The following ACP6 variants were observed in gnomAD, a reference collection of about 807,000 sequenced individuals.
The protein encoded by ACP6 is acid phosphatase 6, lysophosphatidic, also known as lysophosphatidic acid phosphatase type 6.
A neutral mutation model predicts 48.1 loss-of-function variants in ACP6; 48 were observed. The observed-to-expected ratio is 1.00, with a 90% CI of 0.79 to 1.27. ACP6 has a LOEUF of 1.27. Ranked by LOEUF, ACP6 falls within the 50% of genes most tolerant of loss-of-function variation. The probability of loss-of-function intolerance (pLI) is 0.00; values close to 1 mark genes in which losing one functional copy is unlikely to be tolerated. For missense variants in ACP6, 485 were observed against 529.1 expected (o/e 0.92, Z 0.82); for synonymous variants, 172 against 204.2 (o/e 0.84, Z 1.34).
chr1:147,669,811 G>C lies in ACP6; in HGVS notation c.219+19C>G. ...CACGGTCCTCGCCCCACCAGCCCCA[G>C]CCCGGGCCGACCTCTCACCTGCTCC... On this transcript the variant is annotated intron_variant, in intron 1 of 9. Transcript: ENST00000583509. 1 of 1,553,170 alleles carries C rather than the reference G, an allele frequency of 6.4e-7. No homozygotes were observed. Among genetic ancestry groups the C allele is most frequent in the Non-Finnish European group, 8.7e-7 (1 of 1,142,920 alleles).
chr1:147,640,496 A>T (rs1659418959), downstream of ACP6, among the ~76,000 whole-genome samples: 1 of 152,242 alleles, frequency 6.6e-6, no homozygotes, highest in African/African-American at 2.4e-5. Flanking sequence ...AACACTTTTC[A>T]TATTAGGAAG....
At chr1:147,632,090 C>T (rs1659180254) in intron 5 of ACP6, among the ~76,000 whole-genome samples, 1 of 152,030 alleles carries the variant, frequency 6.6e-6, no homozygotes, top group Admixed American at 6.5e-5. Flanking sequence ...TGACTCCAGG[C>T]TTTCCCAATG....
chr1:147,666,810 A>C (rs1331942838), intron 1 of ACP6, among the ~76,000 whole-genome samples: 2 of 152,208 alleles, frequency 1.3e-5, no homozygotes, highest in Non-Finnish European at 2.9e-5. Flanking sequence ...GAATGGGTGG[A>C]CCTCATGTAA....
rs929673335 is a variant in ACP6, at chr1:147,644,115, C to G, written c.*3308G>C. ...CAAATTTAGAGAAGACAAAAGCACT[C>G]AAACCACAGCGACTGTACACCTGAA... On this transcript the variant is annotated 3_prime_UTR_variant, in exon 10 of 10. Transcript: ENST00000583509. 5.3e-5 allele frequency: 8 copies of G among 152,060 alleles called. No homozygotes were observed. Among genetic ancestry groups the G allele is most frequent in the African/African-American group, 1.9e-4 (8 of 41,418 alleles). 9.4% of individuals were successfully genotyped at this position (152,060 alleles called of 1,614,324 possible).
intron 1 of ACP6, among the ~76,000 whole-genome samples, chr1:147,666,617 C>T (rs1244774845): frequency 6.6e-6 from 1 of 152,180 alleles, no homozygotes; most frequent in Non-Finnish European, 1.5e-5. Context: ...GTGGGGCCTC[C>T]ACTTTTTTAA....
chr1:147,669,867 G>A lies in ACP6; in HGVS notation c.182C>T (p.Ala61Val). ...KMVQVVFRHGARSPLKPLPLE... is the reference protein window; with the variant it reads ...KMVQVVFRHGVRSPLKPLPLE... ...CGGGAGCGGCTTGAGAGGACTCCGAGCCCCGTGTCGAAACACGACCTGCAC... is the reference window on the plus strand; with the variant it reads ...CGGGAGCGGCTTGAGAGGACTCCGAACCCCGTGTCGAAACACGACCTGCAC... The change falls in exon 1 of 10, where the codon GCT (alanine) becomes GTT (valine). Residue 61 changes from alanine (A) to valine (V), a missense_variant. Coordinates refer to ENST00000583509, the MANE Select transcript of ACP6 (RefSeq NM_016361.5). 1 of 1,600,220 alleles carries A rather than the reference G, an allele frequency of 6.2e-7. No individual in the cohort carries two copies. The highest frequency in any genetic ancestry group is 1.7e-5 in the Admixed American group (1 of 59,276).
downstream of ACP6, among the ~76,000 whole-genome samples, chr1:147,641,113 C>T (rs114700846): frequency 4.7e-4 from 72 of 152,306 alleles, no homozygotes; most frequent in African/African-American, 1.7e-3. Flanking sequence ...CCACAGCCCG[C>T]CCAGCCTCCT....
rs951104210 is a variant in ACP6 at position 147,644,748 on chromosome 1, G to C, written c.*2675C>G. On this transcript the variant is annotated 3_prime_UTR_variant, in exon 10 of 10. Transcript: ENST00000583509. ...TCTTGGCCAAAGCAACAGGGTGAAT[G>C]GTGGTGTCATTTACCTAGATGGGAA... The C allele has an allele frequency of 6.6e-6, 1 of 152,198 alleles. No homozygotes were observed. Among genetic ancestry groups the C allele is most frequent in the Non-Finnish European group, 1.5e-5 (1 of 68,048 alleles). The allele number at this position is 152,198 out of a possible 1,614,324, so 9.4% of individuals were successfully genotyped here. A position where few individuals can be genotyped will look rare whatever the true frequency, so the allele number is the denominator to read the frequency against.
intron 1 of ACP6, among the ~76,000 whole-genome samples, chr1:147,664,609 C>T (rs1660709367): frequency 6.6e-6 from 1 of 152,202 alleles, no homozygotes; most frequent in Non-Finnish European, 1.5e-5. Context: ...CATCTATTGA[C>T]TTCTGTTTCC....
At position 147,652,837 on chromosome 1, in the gene ACP6, G is replaced by GTT. The variant is rs1349039540; in HGVS notation, c.781-290_781-289dup. ...GAAAAGCATTTTTGTTGTTTTTTTGGTTTTTTTGAGACGGAGTCCCGCTCT... is the reference window on the plus strand; with the variant it reads ...GAAAAGCATTTTTGTTGTTTTTTTGGTTTTTTTTTGAGACGGAGTCCCGCTCT... On this transcript the variant is annotated intron_variant, in intron 6 of 9. Transcript: ENST00000583509. Among the ~76,000 whole-genome samples the GTT allele has an allele frequency of 4.7e-5, 7 of 150,348 alleles. No individual in the cohort carries two copies. In the South Asian group the frequency reaches 6.3e-4, roughly 13 times the overall value.
chr1:147,670,100 A>G lies in ACP6; in HGVS notation c.-52T>C, dbSNP rs1661020509. The G allele has an allele frequency of 4.2e-6, 6 of 1,429,908 alleles. No homozygotes were observed. The highest frequency in any genetic ancestry group is 4.6e-6 in the Non-Finnish European group (5 of 1,084,578). The allele number at this position is 1,429,908 out of a possible 1,614,324, so 88.6% of individuals were successfully genotyped here. A position where few individuals can be genotyped will look rare whatever the true frequency, so the allele number is the denominator to read the frequency against. On this transcript the variant is annotated 5_prime_UTR_variant, in exon 1 of 10. Coordinates refer to ENST00000583509, the MANE Select transcript of ACP6 (RefSeq NM_016361.5). ...GTTGAGGCTGCAGGAGGCAAACACA[A>G]GTCTTCTGCGGGCGCCGGGGCTCAG...
In ACP6 at chr1:147,647,373, T is replaced by A; in HGVS notation, c.*50A>T. On this transcript the variant is annotated 3_prime_UTR_variant, in exon 10 of 10. Coordinates refer to ENST00000583509, the MANE Select transcript of ACP6 (RefSeq NM_016361.5). ...CAAACACACAAAGCAGGAGGCATTG[T>A]ATAAAGGCACTTTATTTTAAAATCA... The A allele has an allele frequency of 6.2e-7, 1 of 1,605,710 alleles. No individual in the cohort carries two copies. Among genetic ancestry groups the A allele is most frequent in the Non-Finnish European group, 8.5e-7 (1 of 1,175,436 alleles).
At chr1:147,656,613 T>C (rs75583687) in intron 4 of ACP6, among the ~76,000 whole-genome samples, 2,466 of 152,304 alleles carry the variant, frequency 0.016, 23 homozygotes, top group Non-Finnish European at 0.025. Context: ...AATTCCACCA[T>C]TTACCAGTTT....
At position 147,663,925 on chromosome 1, in the gene ACP6, T is replaced by A. The variant is rs587637662; in HGVS notation, c.220-4150A>T. Among the ~76,000 whole-genome samples the A allele has an allele frequency of 4.9e-5, 7 of 144,296 alleles. No homozygotes were observed. In the South Asian group the frequency reaches 8.9e-4, roughly 18 times the overall value. 94.7% of individuals were successfully genotyped at this position (144,296 alleles called of 152,430 possible). A position where few individuals can be genotyped will look rare whatever the true frequency, so the allele number is the denominator to read the frequency against. On this transcript the variant is annotated intron_variant, in intron 1 of 9. Transcript: ENST00000583509. ...CCTATAACATTGATAACAAAAAAAATTTAACTCAATTTCCTACTACTTTGT... is the reference window on the plus strand; with the variant it reads ...CCTATAACATTGATAACAAAAAAAAATTAACTCAATTTCCTACTACTTTGT...
Position 147,647,473 on chromosome 1 carries a change from G to A in ACP6, c.1237C>T (p.His413Tyr). Residue 413 changes from histidine to tyrosine, a missense_variant, in exon 10 of 10, where the codon CAC becomes TAC. Physicochemically the swap from His to Tyr is moderately conservative, Grantham distance 83. Transcript: ENST00000583509. The stretch of plus-strand genomic sequence containing the variant: ...ACCTGAGTTTGAGAGCAGAGTGCGT[G>A]GTATTTTTCTGGGCTTAAGGTATAA... ...SVYTLSPEKYHALCSQTQVME... is the reference protein window; with the variant it reads ...SVYTLSPEKYYALCSQTQVME... The A allele has an allele frequency of 6.2e-7, 1 of 1,614,144 alleles. No homozygotes were observed. Among genetic ancestry groups the A allele is most frequent in the Non-Finnish European group, 8.5e-7 (1 of 1,180,000 alleles).
chr1:147,652,345 A>G, intron 7 of ACP6, 104 bp downstream of exon 7: 1 of 1,167,864 alleles, frequency 8.6e-7, no homozygotes, highest in Non-Finnish European at 1.2e-6. Flanking sequence ...TTACACGAGG[A>G]GACATCAGCT....
At chr1:147,659,114 C>T (rs587761396) in intron 3 of ACP6, 75 bp from the exon 4 acceptor site, 41 of 1,351,366 alleles carry the variant, frequency 3.0e-5, no homozygotes, top group African/African-American at 1.6e-4. Context: ...ATTCCACATA[C>T]GCTCCAGGGG....
downstream of ACP6, among the ~76,000 whole-genome samples, chr1:147,640,785 G>A (rs148127209): frequency 0.019 from 2,835 of 152,254 alleles, 41 homozygotes; most frequent in Non-Finnish European, 0.029. Flanking sequence ...AAGGCCAAAC[G>A]GAGAGCGGAA....
rs782326860 is a variant in ACP6, at chr1:147,659,679, A to G, written c.316T>C (p.Tyr106His). Residue 106 changes from tyrosine (Y) to histidine (H), a missense_variant, in exon 2 of 10, where the codon TAC becomes CAC. Physicochemically the swap from Tyr to His is moderately conservative, Grantham distance 83 (BLOSUM62 2). Transcript: ENST00000583509. Reference protein sequence around the residue: ...LAGGPKPYSPYDSQYHETTLK... With the variant: ...LAGGPKPYSPHDSQYHETTLK... Reference sequence around the variant, plus strand: ...GTGGTCTCATGGTATTGAGAGTCGTAAGGAGAATATGGTTTCGGACCACCA... The same window carrying G: ...GTGGTCTCATGGTATTGAGAGTCGTGAGGAGAATATGGTTTCGGACCACCA... 6.2e-7 allele frequency: 1 copy of G among 1,614,226 alleles called. No homozygotes were observed. Among genetic ancestry groups the G allele is most frequent in the East Asian group, 2.2e-5 (1 of 44,874 alleles).
Sources: gnomAD v4.1 joint callset for allele counts (sites outside exome capture counted in the v4.1 genomes callset) on GRCh38, gnomAD v4.1.1 for gene constraint, MANE v1.5 for transcripts, NCBI Gene and HGNC (gene_info 2026-07-23, HGNC 2026-07-21) for gene names.